PRUNE1: variants seen among roughly 807,000 people sequenced by gnomAD.
PRUNE1 encodes the protein prune exopolyphosphatase 1, also known as exopolyphosphatase PRUNE1.
Under a neutral mutation model 42.5 loss-of-function variants are expected in PRUNE1, and 25 were observed. The observed-to-expected ratio is 0.59, with a 90% CI of 0.43 to 0.82. PRUNE1 has a LOEUF of 0.82. PRUNE1 is among the 40% of genes least tolerant of loss of function. The probability of loss-of-function intolerance (pLI) is 0.00; values close to 1 mark genes in which losing one functional copy is unlikely to be tolerated. For missense variants in PRUNE1, 443 were observed against 539.3 expected, an observed-to-expected ratio of 0.82 and a Z score of 1.77; for synonymous variants, 203 against 217.1, an observed-to-expected ratio of 0.93 and a Z score of 0.57.
intron 1 of PRUNE1, among the ~76,000 whole-genome samples, chr1:151,009,280 C>A (rs1673591440): frequency 6.6e-6 from 1 of 152,226 alleles, no homozygotes; most frequent in South Asian, 2.1e-4. Flanking sequence ...TGTTGACCCA[C>A]AACCAGCATT....
rs1417519228 is a variant in PRUNE1 at position 151,028,893 on chromosome 1, G to A, written c.882G>A (p.Glu294=). Residue 294 remains glutamate, a synonymous_variant, in exon 7 of 8, where the codon GAG becomes GAA. Coordinates refer to ENST00000271620, the MANE Select transcript of PRUNE1 (RefSeq NM_021222.3). ...AMTIFFNTHN[E]PVRQLAIFCP... ...CTATCTTTTTCAACACTCACAATGA[G>A]CCAGTGCGGCAGTTGGCTATTTTCT... 1 of 1,613,840 alleles carries A rather than the reference G, an allele frequency of 6.2e-7. No homozygotes were observed. The highest frequency in any genetic ancestry group is 8.5e-7 in the Non-Finnish European group (1 of 1,179,842).
At position 151,034,428 on chromosome 1, in the gene PRUNE1, A is replaced by G. The variant is rs1044545447; in HGVS notation, c.*194A>G. The G allele has an allele frequency of 2.6e-5, 15 of 581,434 alleles. No homozygotes were observed. Among genetic ancestry groups the G allele is most frequent in the African/African-American group, 2.4e-4 (13 of 53,634 alleles). 36.0% of individuals were successfully genotyped at this position (581,434 alleles called of 1,614,324 possible). A position where few individuals can be genotyped will look rare whatever the true frequency, so the allele number is the denominator to read the frequency against. The stretch of plus-strand genomic sequence containing the variant: ...AATGGTTTTCCACCTTTTCCCCCTA[A>G]TCTCTACCAATCAGACACATTTTAT... On this transcript the variant is annotated 3_prime_UTR_variant, in exon 8 of 8. Coordinates refer to ENST00000271620, the MANE Select transcript of PRUNE1 (RefSeq NM_021222.3).
In PRUNE1 at chr1:151,034,489, A is replaced by G. The variant is rs1372779153; in HGVS notation, c.*255A>G. The G allele has an allele frequency of 8.8e-6, 4 of 457,064 alleles. No individual in the cohort carries two copies. The East Asian group carries it at 1.6e-4, about 18-fold the overall frequency. The allele number at this position is 457,064 out of a possible 1,614,324, so 28.3% of individuals were successfully genotyped here. ...TGCACCTCTCTCTATTTTATTTGCCAGGGGCACGATGTGACATATCTGCAG... is the reference window on the plus strand; with the variant it reads ...TGCACCTCTCTCTATTTTATTTGCCGGGGGCACGATGTGACATATCTGCAG... On this transcript the variant is annotated 3_prime_UTR_variant, in exon 8 of 8. Transcript: ENST00000271620.
At position 151,008,534 on chromosome 1, in the gene PRUNE1, T is replaced by G. The variant is rs1466581007; in HGVS notation, c.-99T>G. The G allele has an allele frequency of 1.4e-6, 2 of 1,464,844 alleles. No homozygotes were observed. Among genetic ancestry groups the G allele is most frequent in the Non-Finnish European group, 1.9e-6 (2 of 1,044,998 alleles). 90.7% of individuals were successfully genotyped at this position (1,464,844 alleles called of 1,614,324 possible). A position where few individuals can be genotyped will look rare whatever the true frequency, so the allele number is the denominator to read the frequency against. ...CCCGCCTCCTGACTCTGGCCTCTAG[T>G]CCCTGAGTCCCGGGCGGGCTGCATT... On this transcript the variant is annotated 5_prime_UTR_variant, in exon 1 of 8. Transcript: ENST00000271620.
At chr1:151,018,909 G>A (rs986217418) in intron 3 of PRUNE1, among the ~76,000 whole-genome samples, 1 of 152,212 alleles carries the variant, frequency 6.6e-6, no homozygotes, top group Non-Finnish European at 1.5e-5. Flanking sequence ...TGGGCGTGGT[G>A]GCAAGTGCCT....
intron 7 of PRUNE1, among the ~76,000 whole-genome samples, chr1:151,032,623 A>G (rs1299972082): frequency 6.6e-6 from 1 of 151,066 alleles, no homozygotes; most frequent in Non-Finnish European, 1.5e-5. Context: ...CTGAGGCAGG[A>G]GATTCACTTG....
chr1:151,018,025 G>A (rs1674208864), intron 2 of PRUNE1, 121 bp downstream of exon 2: 1 of 692,692 alleles, frequency 1.4e-6, no homozygotes, highest in Non-Finnish European at 2.5e-6. Flanking sequence ...CCTTAACTTT[G>A]CTGAGTCTCA....
rs1167129157 is a variant in PRUNE1 at position 151,029,513 on chromosome 1, G to A, written c.933+569G>A. Among the ~76,000 whole-genome samples the A allele has an allele frequency of 5.9e-5, 9 of 151,406 alleles. No individual in the cohort carries two copies. In the East Asian group the frequency reaches 1.4e-3, roughly 24 times the overall value. ...CTCCCGAGTAGCTGGGACTACAGGC[G>A]CCCGCCACCACGCCCGGCTAATTTT... On this transcript the variant is annotated intron_variant, in intron 7 of 7. Coordinates refer to ENST00000271620, the MANE Select transcript of PRUNE1 (RefSeq NM_021222.3).
intron 3 of PRUNE1, among the ~76,000 whole-genome samples, chr1:151,022,284 A>G (rs916047269): frequency 7.0e-6 from 1 of 143,220 alleles, no homozygotes; most frequent in Admixed American, 7.0e-5. Flanking sequence ...AATTTTTTGT[A>G]TTTTTAGTAG....
intron 3 of PRUNE1, 100 bp from the exon 4 acceptor site, chr1:151,024,511 T>A: frequency 1.8e-6 from 2 of 1,129,676 alleles, no homozygotes; most frequent in Non-Finnish European, 2.6e-6. Context: ...AAAAAAGACA[T>A]CTGCATTTTC....
intron 7 of PRUNE1, 83 bp downstream of exon 7, chr1:151,029,027 G>A: frequency 7.1e-7 from 1 of 1,410,526 alleles, no homozygotes; most frequent in Non-Finnish European, 9.7e-7. Context: ...TGTCCTATAA[G>A]GACCTCTCTT....
intron 1 of PRUNE1, among the ~76,000 whole-genome samples, chr1:151,015,098 C>T (rs1260446160): frequency 3.3e-5 from 5 of 152,096 alleles, no homozygotes; most frequent in South Asian, 2.1e-4. Context: ...GAAGCTGAGG[C>T]GGGCGGATCA....
At chr1:151,030,022 G>A (rs970767770) in intron 7 of PRUNE1, among the ~76,000 whole-genome samples, 2 of 151,942 alleles carry the variant, frequency 1.3e-5, no homozygotes, top group Non-Finnish European at 2.9e-5. Flanking sequence ...CCAGCACTTT[G>A]GGAAGCTGAG....
rs1440503969 is a variant in PRUNE1, at chr1:151,034,355, C to T, written c.*121C>T. ...GCTCCAGGATCTGGTATACTGTTCTCATAAAACTGAGAGGAGAAAAAAAGT... is the reference window on the plus strand; with the variant it reads ...GCTCCAGGATCTGGTATACTGTTCTTATAAAACTGAGAGGAGAAAAAAAGT... On this transcript the variant is annotated 3_prime_UTR_variant, in exon 8 of 8. Transcript: ENST00000271620. 6 of 1,089,872 alleles carry T rather than the reference C, an allele frequency of 5.5e-6. 1 individual carries two copies. Among genetic ancestry groups the T allele is most frequent in the South Asian group, 4.8e-5 (3 of 61,966 alleles). 67.5% of individuals were successfully genotyped at this position (1,089,872 alleles called of 1,614,324 possible). A position where few individuals can be genotyped will look rare whatever the true frequency, so the allele number is the denominator to read the frequency against.
rs751326778 is a variant in PRUNE1, at chr1:151,024,650, A to G, written c.375A>G (p.Leu125=). The G allele has an allele frequency of 6.2e-7, 1 of 1,613,210 alleles. No individual in the cohort carries two copies. Among genetic ancestry groups the G allele is most frequent in the Non-Finnish European group, 8.5e-7 (1 of 1,179,158 alleles). Reference sequence around the variant, plus strand: ...TAGAGGAGGCAGTAGCAGAGGTGCTAGACCATCGACCCATCGAGCCGAAAC... The same window carrying G: ...TAGAGGAGGCAGTAGCAGAGGTGCTGGACCATCGACCCATCGAGCCGAAAC... ...TALEEAVAEV[L]DHRPIEPKHC... is the part of the protein sequence containing the mutation. The change falls in exon 4 of 8, where the codon CTA becomes CTG. Residue 125 remains leucine, a synonymous_variant. Coordinates refer to ENST00000271620, the MANE Select transcript of PRUNE1 (RefSeq NM_021222.3).
intron 6 of PRUNE1, 108 bp from the exon 7 acceptor site, chr1:151,028,678 C>T (rs1269771884): frequency 1.7e-6 from 2 of 1,179,006 alleles, no homozygotes; most frequent in African/African-American, 1.5e-5. Flanking sequence ...CTGCCTCGGC[C>T]TCCCAAAGTG....
At chr1:151,023,834 A>C (rs1294859420) in intron 3 of PRUNE1, among the ~76,000 whole-genome samples, 1 of 152,042 alleles carries the variant, frequency 6.6e-6, no homozygotes, top group Non-Finnish European at 1.5e-5. Flanking sequence ...TTTGCAGCAG[A>C]TGCTTCACAG....
intron 5 of PRUNE1, among the ~76,000 whole-genome samples, chr1:151,026,453 C>G (rs587703021): frequency 6.6e-6 from 1 of 150,800 alleles, no homozygotes; most frequent in African/African-American, 2.4e-5. Context: ...AGCGAAACTC[C>G]GTCTCAAAAA....
intron 7 of PRUNE1, among the ~76,000 whole-genome samples, chr1:151,029,914 C>G (rs1675136549): frequency 6.6e-6 from 1 of 152,040 alleles, no homozygotes; most frequent in Admixed American, 6.6e-5. Flanking sequence ...ATCTTTCCTA[C>G]TTCCTCCCCC....
Sources: gnomAD v4.1 joint callset for allele counts (sites outside exome capture counted in the v4.1 genomes callset) on GRCh38, gnomAD v4.1.1 for gene constraint, MANE v1.5 for transcripts, NCBI Gene and HGNC (gene_info 2026-07-23, HGNC 2026-07-21) for gene names.